ARHGAP44: variants seen among roughly 807,000 people sequenced by gnomAD.
ARHGAP44 encodes the protein Rho GTPase activating protein 44, also known as rho GTPase-activating protein 44.
A neutral mutation model predicts 106.8 loss-of-function variants in ARHGAP44; 43 were observed. That is an observed-to-expected ratio of 0.40 (90% CI 0.32 to 0.52). ARHGAP44 has a LOEUF of 0.52. ARHGAP44 is among the 20% of genes least tolerant of loss of function. ARHGAP44 has a pLI of 0.48. For missense variants in ARHGAP44, 866 were observed against 1,050.5 expected (o/e 0.82, Z 2.43); for synonymous variants, 439 against 410.3 (o/e 1.07, Z -0.85).
At chr17:12,808,889 G>T (rs548681927) in intron 1 of ARHGAP44, among the ~76,000 whole-genome samples, 1 of 152,090 alleles carries the variant, frequency 6.6e-6, no homozygotes. Flanking sequence ...TCTTTTAAAC[G>T]TAAGTTTCAA....
Position 12,916,003 on chromosome 17 carries a change from C to G in ARHGAP44, c.379C>G (p.Leu127Val). 6.2e-7 allele frequency: 1 copy of G among 1,613,692 alleles called. No individual in the cohort carries two copies. Among genetic ancestry groups the G allele is most frequent in the South Asian group, 1.1e-5 (1 of 91,012 alleles). ...ERDVIEPLFL[L>V]AEVEIPNIQK... ...AGACGTGATTGAGCCCCTGTTTTTG[C>G]TGGCGGAGGTAAGCAGCAGGAGTGA... Residue 127 changes from leucine (L) to valine (V), a missense_variant, in exon 5 of 21, where the codon CTG (leucine) becomes GTG (valine). This residue lies in a region of ARHGAP44 where 448 missense variants were observed against 646.9 expected (regional missense o/e 0.69). Coordinates refer to ENST00000379672, the MANE Select transcript of ARHGAP44 (RefSeq NM_014859.6).
chr17:12,891,541 T>C (rs1433477049), intron 1 of ARHGAP44, among the ~76,000 whole-genome samples: 1 of 152,196 alleles, frequency 6.6e-6, no homozygotes. Flanking sequence ...CATTAATTCA[T>C]TGAGGGTTGT....
Position 12,814,521 on chromosome 17 carries a change from G to A in ARHGAP44, c.53+24630G>A, listed in dbSNP as rs77072610. On this transcript the variant is annotated intron_variant, in intron 1 of 20. Coordinates refer to ENST00000379672, the MANE Select transcript of ARHGAP44 (RefSeq NM_014859.6). Reference sequence around the variant, plus strand: ...CTCCCGAAGTGCTGGGATTACATGGGTGAGCCACCGCATCTGGCCCCAAGC... The same window carrying A: ...CTCCCGAAGTGCTGGGATTACATGGATGAGCCACCGCATCTGGCCCCAAGC... Among the ~76,000 whole-genome samples, 717 of 152,054 alleles carry A rather than the reference G, an allele frequency of 4.7e-3. 23 individuals are homozygous for A. In the East Asian group the frequency reaches 0.065, roughly 14 times the overall value.
rs1045989666 is a variant in ARHGAP44 at position 12,913,321 on chromosome 17, G to A, written c.276-2579G>A. 1.4e-4 allele frequency among the ~76,000 whole-genome samples: 21 copies of A among 151,988 alleles called. 1 individual carries two copies. Among genetic ancestry groups the A allele is most frequent in the African/African-American group, 3.1e-4 (13 of 41,450 alleles). On this transcript the variant is annotated intron_variant, in intron 4 of 20. Coordinates refer to ENST00000379672, the MANE Select transcript of ARHGAP44 (RefSeq NM_014859.6). ...GAAAGTGGCAGAGTATTTTGAATTCGATTGGGTACGTAGAAAACAAGCAAG... is the reference window on the plus strand; with the variant it reads ...GAAAGTGGCAGAGTATTTTGAATTCAATTGGGTACGTAGAAAACAAGCAAG...
In ARHGAP44 at chr17:12,949,645, C is replaced by T; in HGVS notation, c.974-4C>T. The T allele has an allele frequency of 6.2e-7, 1 of 1,613,556 alleles. No individual in the cohort carries two copies. The highest frequency in any genetic ancestry group is 1.1e-5 in the South Asian group (1 of 91,062). On this transcript the variant is annotated splice_region_variant and splice_polypyrimidine_tract_variant and intron_variant, in intron 11 of 20. Coordinates refer to ENST00000379672, the MANE Select transcript of ARHGAP44 (RefSeq NM_014859.6). This position sits in a 1 kb window ranked among gnomAD's most constrained non-coding sequence, Gnocchi z 4.1. ...TTCACAACCAATATTTCATTCATGC[C>T]TAGGAGCTTTGAAATCTTACCTCCG...
In ARHGAP44 at chr17:12,943,683, T is replaced by C. The variant is rs2038764911; in HGVS notation, c.733+14T>C. ...AAGCACAACAGGGTAAGTGCAGGCCTTCCCTGGAGAAGGGAGGGCCGGGGT... is the reference window on the plus strand; with the variant it reads ...AAGCACAACAGGGTAAGTGCAGGCCCTCCCTGGAGAAGGGAGGGCCGGGGT... On this transcript the variant is annotated intron_variant, in intron 9 of 20. Transcript: ENST00000379672. 1 of 1,610,978 alleles carries C rather than the reference T, an allele frequency of 6.2e-7. No individual in the cohort carries two copies. The highest frequency in any genetic ancestry group is 8.5e-7 in the Non-Finnish European group (1 of 1,177,858).
intron 1 of ARHGAP44, among the ~76,000 whole-genome samples, chr17:12,828,636 C>CTTTTTTTTTT (rs34860101): frequency 1.1e-5 from 1 of 93,268 alleles, no homozygotes; most frequent in East Asian, 3.1e-4. Flanking sequence ...TTTTTTCTTT[C>CTTTTTTTTTT]TTTTTTTTTT....
chr17:12,933,849 C>CTTTTTTTTTTT (rs11303147), intron 7 of ARHGAP44, among the ~76,000 whole-genome samples: 1 of 131,540 alleles, frequency 7.6e-6, no homozygotes, highest in Non-Finnish European at 1.6e-5. Flanking sequence ...CACATAAATT[C>CTTTTTTTTTTT]TTTTTTTTTT....
chr17:12,835,733 A>G (rs1211164220), intron 1 of ARHGAP44, among the ~76,000 whole-genome samples: 2 of 152,142 alleles, frequency 1.3e-5, no homozygotes, highest in African/African-American at 2.4e-5. Context: ...GTTGTGTGAT[A>G]GATCTCCAGA....
intron 20 of ARHGAP44, among the ~76,000 whole-genome samples, chr17:12,989,542 C>T (rs924418313): frequency 2.0e-5 from 3 of 152,192 alleles, no homozygotes; most frequent in Non-Finnish European, 4.4e-5. Context: ...CTACTCCACC[C>T]ATGTCAGCCA....
chr17:12,969,560 CA>C (rs2039475881), intron 16 of ARHGAP44, among the ~76,000 whole-genome samples: 1 of 152,214 alleles, frequency 6.6e-6, no homozygotes, highest in African/African-American at 2.4e-5. Context: ...TCTCTGCTTT[CA>C]AAGCCCTGCT....
At chr17:12,973,384 G>T (rs536675690) in intron 17 of ARHGAP44, 65 bp downstream of exon 17, 4 of 1,538,016 alleles carry the variant, frequency 2.6e-6, no homozygotes, top group African/African-American at 2.7e-5. Context: ...CCTATGCATC[G>T]TAGTGAGTTC....
At chr17:12,849,961 G>A (rs9916516) in intron 1 of ARHGAP44, among the ~76,000 whole-genome samples, 32,243 of 151,868 alleles carry the variant, frequency 0.21, 3,997 homozygotes, top group African/African-American at 0.34. Context: ...ATCCAAGACC[G>A]AAAAATAGCC....
rs185003029 is a variant in ARHGAP44 at position 12,926,513 on chromosome 17, T to C, written c.465-2416T>C. On this transcript the variant is annotated intron_variant, in intron 6 of 20. Transcript: ENST00000379672. ...GTATAATATATGTATATATATTATATATGCATATATATTATACATACATAT... is the reference window on the plus strand; with the variant it reads ...GTATAATATATGTATATATATTATACATGCATATATATTATACATACATAT... Among the ~76,000 whole-genome samples the C allele has an allele frequency of 5.3e-3, 773 of 145,022 alleles. 5 individuals are homozygous for C. Among genetic ancestry groups the C allele is most frequent in the African/African-American group, 0.012 (472 of 40,092 alleles).
intron 18 of ARHGAP44, among the ~76,000 whole-genome samples, chr17:12,976,392 C>G (rs2039683145): frequency 6.6e-6 from 1 of 151,974 alleles, no homozygotes; most frequent in African/African-American, 2.4e-5. Context: ...GCGGGCGGAT[C>G]ACCTGAGGTC....
At chr17:12,988,030 T>C (rs75492698) in intron 20 of ARHGAP44, 13,040 of 152,240 alleles carry the variant, frequency 0.086, 775 homozygotes, top group Middle Eastern at 0.2. Context: ...CGCACCAGGA[T>C]ATCTGGTGCT....
At chr17:12,878,632 C>T (rs889742778) in intron 1 of ARHGAP44, among the ~76,000 whole-genome samples, 2 of 152,110 alleles carry the variant, frequency 1.3e-5, no homozygotes, top group African/African-American at 2.4e-5. Flanking sequence ...CCTGTTAGGC[C>T]GCTGCGTTTC....
intron 1 of ARHGAP44, among the ~76,000 whole-genome samples, chr17:12,846,287 T>C (rs1025313131): frequency 1.3e-5 from 2 of 152,200 alleles, no homozygotes; most frequent in Non-Finnish European, 2.9e-5. Flanking sequence ...AGTGTAAATT[T>C]AAAGTATAAG....
intron 1 of ARHGAP44, among the ~76,000 whole-genome samples, chr17:12,807,738 C>G (rs554181071): frequency 7.8e-4 from 118 of 152,224 alleles, no homozygotes; most frequent in Middle Eastern, 3.4e-3. Flanking sequence ...CCATATTATT[C>G]CACCCCTGAC....
Sources: allele counts gnomAD v4.1 joint callset (sites outside exome capture counted in the v4.1 genomes callset), GRCh38; gene constraint gnomAD v4.1.1; regional missense constraint gnomAD v4.1.1; non-coding constraint Gnocchi (gnomAD v3.1); transcripts MANE v1.5; gene names NCBI Gene and HGNC (gene_info 2026-07-23, HGNC 2026-07-21).